Variants in DOCK10 observed in about 807,000 individuals in gnomAD.
DOCK10 encodes the protein dedicator of cytokinesis 10, also known as dedicator of cytokinesis protein 10.
In DOCK10, 145 loss-of-function variants were observed where a neutral mutation model predicts 280.1. The observed-to-expected ratio is 0.52, with a 90% CI of 0.45 to 0.59. The LOEUF (loss-of-function observed/expected upper bound fraction) is 0.59, where lower values mean the gene tolerates loss of function less well. Among genes scored for constraint, DOCK10 ranks in the 20% least tolerant of loss-of-function variants. The pLI is 0.00. For synonymous variants in DOCK10, 915 were observed against 942.2 expected (o/e 0.97, Z 0.53); for missense variants, 2,368 against 2,651.7 (o/e 0.89, Z 2.35).
intron 1 of DOCK10, among the ~76,000 whole-genome samples, chr2:224,950,701 G>A (rs920502058): frequency 3.9e-5 from 6 of 152,338 alleles, no homozygotes; most frequent in Admixed American, 3.9e-4. Flanking sequence ...GGAAAGTCCA[G>A]CTGTTATATG....
chr2:224,905,026 A>G (rs1232465112), intron 3 of DOCK10, among the ~76,000 whole-genome samples: 1 of 152,142 alleles, frequency 6.6e-6, no homozygotes, highest in African/African-American at 2.4e-5. Flanking sequence ...TCTTATCTTG[A>G]ATATTCATAA....
At chr2:225,026,268 A>T (rs1000421302) in intron 1 of DOCK10, among the ~76,000 whole-genome samples, 3 of 152,228 alleles carry the variant, frequency 2.0e-5, no homozygotes. Flanking sequence ...TCTGAGGGCA[A>T]TAATCAAGAA....
rs779618564 is a variant in DOCK10, at chr2:224,970,286, A to G, written c.124-38618T>C. ...AAGAGGTGCAGTCCCTCAGTGATCC[A>G]GGCACTGTGATCAGTGTTTTTACTC... On this transcript the variant is annotated intron_variant, in intron 1 of 55. Transcript: ENST00000258390. This position sits in a 1 kb window ranked among gnomAD's most constrained non-coding sequence, Gnocchi z 4.6. Among the ~76,000 whole-genome samples the G allele has an allele frequency of 6.6e-6, 1 of 152,206 alleles. No individual in the cohort carries two copies. The highest frequency in any genetic ancestry group is 1.5e-5 in the Non-Finnish European group (1 of 68,044).
chr2:224,864,485 G>T, intron 13 of DOCK10, 68 bp downstream of exon 13: 1 of 1,424,342 alleles, frequency 7.0e-7, no homozygotes, highest in Non-Finnish European at 9.3e-7. Context: ...ACTCCAGCCT[G>T]GGTGACAGGG....
At position 224,770,415 on chromosome 2, in the gene DOCK10, T is replaced by C; in HGVS notation, c.6306-66A>G. The C allele has an allele frequency of 1.3e-6, 2 of 1,561,910 alleles. No individual in the cohort carries two copies. Among genetic ancestry groups the C allele is most frequent in the Admixed American group, 1.9e-5 (1 of 53,726 alleles). On this transcript the variant is annotated intron_variant, in intron 54 of 55. Coordinates refer to ENST00000258390, the MANE Select transcript of DOCK10 (RefSeq NM_014689.3). This position sits in a 1 kb window ranked among gnomAD's most constrained non-coding sequence, Gnocchi z 4.5. ...GAAGTGGCATTGAGCTCAGTGACTGTGAGTTCAGAGTCAGGCTGCTGATGG... is the reference window on the plus strand; with the variant it reads ...GAAGTGGCATTGAGCTCAGTGACTGCGAGTTCAGAGTCAGGCTGCTGATGG...
chr2:224,840,742 C>A (rs1286853556), intron 23 of DOCK10, among the ~76,000 whole-genome samples: 1 of 152,186 alleles, frequency 6.6e-6, no homozygotes, highest in African/African-American at 2.4e-5. Flanking sequence ...ACCATATAAT[C>A]TAGCAATCCC....
At chr2:225,017,763 C>T (rs1046237628) in intron 1 of DOCK10, among the ~76,000 whole-genome samples, 1 of 150,776 alleles carries the variant, frequency 6.6e-6, no homozygotes, top group Non-Finnish European at 1.5e-5. Flanking sequence ...TTTAAGCTGG[C>T]TGTCCTTTTA....
intron 1 of DOCK10, among the ~76,000 whole-genome samples, chr2:225,021,251 A>T (rs553420790): frequency 2.0e-5 from 3 of 152,332 alleles, no homozygotes; most frequent in Non-Finnish European, 4.4e-5. Flanking sequence ...AACCCAGTAT[A>T]TTGGGTGTCC....
Position 224,871,780 on chromosome 2 carries a change from C to A in DOCK10, c.1257+2216G>T, listed in dbSNP as rs146990259. Among the ~76,000 whole-genome samples the A allele has an allele frequency of 4.4e-3, 663 of 152,302 alleles. 9 individuals carry two copies. Among genetic ancestry groups the A allele is most frequent in the African/African-American group, 0.015 (625 of 41,572 alleles). On this transcript the variant is annotated intron_variant, in intron 11 of 55. Transcript: ENST00000258390. The stretch of plus-strand genomic sequence containing the variant: ...TTCAAAATCACCTCTGCCGAGAGGG[C>A]CTTCCATGACCATCCTGTCTAAAGT...
intron 1 of DOCK10, among the ~76,000 whole-genome samples, chr2:225,040,510 G>A (rs1031281500): frequency 1.5e-4 from 13 of 85,736 alleles, no homozygotes; most frequent in Non-Finnish European, 2.9e-4. Context: ...GGAGAAAGCA[G>A]TGCGTGTGTG....
chr2:224,820,206 T>G (rs533895540), intron 28 of DOCK10, among the ~76,000 whole-genome samples: 3 of 152,334 alleles, frequency 2.0e-5, no homozygotes, highest in African/African-American at 7.2e-5. Context: ...GCGAGCTGCT[T>G]ACTACCTTTC....
rs539453502 is a variant in DOCK10, at chr2:224,941,641, C to G, written c.124-9973G>C. 4.6e-5 allele frequency among the ~76,000 whole-genome samples: 7 copies of G among 152,038 alleles called. No homozygotes were observed. The East Asian group carries it at 1.4e-3, about 30-fold the overall frequency. On this transcript the variant is annotated intron_variant, in intron 1 of 55. Coordinates refer to ENST00000258390, the MANE Select transcript of DOCK10 (RefSeq NM_014689.3). Reference sequence around the variant, plus strand: ...GGTGGATCACCTGAGGTCAGGAGTGCGAGACCAGCCTGGCCAACATGGTGA... The same window carrying G: ...GGTGGATCACCTGAGGTCAGGAGTGGGAGACCAGCCTGGCCAACATGGTGA...
chr2:224,889,802 C>T (rs763727462), intron 4 of DOCK10, among the ~76,000 whole-genome samples: 8 of 152,234 alleles, frequency 5.3e-5, no homozygotes, highest in Non-Finnish European at 1.2e-4. Flanking sequence ...GTCTCTCTCA[C>T]CTTTTAATTT....
At chr2:225,035,567 T>G (rs1370067066) in intron 1 of DOCK10, among the ~76,000 whole-genome samples, 1 of 53,680 alleles carries the variant, frequency 1.9e-5, no homozygotes, top group Admixed American at 2.1e-4. Context: ...TATATATATA[T>G]ATATATATAT....
chr2:224,845,126 A>T, intron 21 of DOCK10, 77 bp downstream of exon 21: 1 of 1,407,898 alleles, frequency 7.1e-7, no homozygotes, highest in Non-Finnish European at 9.7e-7. Context: ...GATCTTAAGT[A>T]GCAGAGAAAG....
intron 1 of DOCK10, among the ~76,000 whole-genome samples, chr2:224,933,162 A>G (rs917117456): frequency 6.6e-6 from 1 of 152,224 alleles, no homozygotes; most frequent in South Asian, 2.1e-4. Context: ...GACATTGAGT[A>G]TTTTGAGGAA....
intron 1 of DOCK10, among the ~76,000 whole-genome samples, chr2:224,958,373 G>A (rs898365607): frequency 5.9e-5 from 9 of 152,292 alleles, no homozygotes; most frequent in Middle Eastern, 3.4e-3. Context: ...AGGGCACCTC[G>A]AAAGTGGCAG....
At chr2:224,900,329 A>G (rs1226456057) in intron 3 of DOCK10, among the ~76,000 whole-genome samples, 1 of 152,018 alleles carries the variant, frequency 6.6e-6, no homozygotes, top group African/African-American at 2.4e-5. Flanking sequence ...TGTTTGTCAG[A>G]TACTGTACTA....
At position 224,786,708 on chromosome 2, in the gene DOCK10, C is replaced by T. The variant is rs550938820; in HGVS notation, c.5655+314G>A. On this transcript the variant is annotated intron_variant, in intron 50 of 55. Transcript: ENST00000258390. The surrounding 1 kb of genome is among the most constrained non-coding windows in gnomAD (Gnocchi z 4.7). Reference sequence around the variant, plus strand: ...AATTTAATTTCACTTTAATATATGGCGTAAACTTATAATTAGATATTTTAG... The same window carrying T: ...AATTTAATTTCACTTTAATATATGGTGTAAACTTATAATTAGATATTTTAG... Among the ~76,000 whole-genome samples the T allele has an allele frequency of 5.3e-5, 8 of 152,148 alleles. No individual in the cohort carries two copies. The highest frequency in any genetic ancestry group is 1.9e-4 in the East Asian group (1 of 5,182).
Sources: gnomAD v4.1 joint callset for allele counts (sites outside exome capture counted in the v4.1 genomes callset) on GRCh38, gnomAD v4.1.1 for gene constraint, Gnocchi (gnomAD v3.1) non-coding constraint, MANE v1.5 for transcripts, NCBI Gene and HGNC (gene_info 2026-07-23, HGNC 2026-07-21) for gene names.